Variants in AGAP1 observed in about 807,000 individuals in gnomAD.
AGAP1 encodes arf-GAP with GTPase, ANK repeat and PH domain-containing protein 1.
AGAP1 carries 29 observed loss-of-function variants against 105.3 expected under a neutral mutation model. The observed-to-expected ratio is 0.28, with a 90% CI of 0.21 to 0.38. AGAP1 has a LOEUF of 0.38. AGAP1 is among the 10% of genes least tolerant of loss of function. AGAP1 has a pLI of 1.00. For missense variants in AGAP1, 998 were observed against 1,165.1 expected (o/e 0.86, Z 2.09); for synonymous variants, 509 against 485.9 (o/e 1.05, Z -0.63).
chr2:235,717,713 T>G, intron 3 of AGAP1, 69 bp downstream of exon 3: 1 of 1,341,424 alleles, frequency 7.5e-7, no homozygotes. Context: ...TAGCATATTA[T>G]AAATCATGAC....
Position 235,943,037 on chromosome 2 carries a change from C to A in AGAP1, c.1483+12114C>A, listed in dbSNP as rs146963958. Among the ~76,000 whole-genome samples the A allele has an allele frequency of 5.8e-3, 891 of 152,340 alleles. 9 individuals carry two copies. The highest frequency in any genetic ancestry group is 0.02 in the African/African-American group (842 of 41,568). On this transcript the variant is annotated intron_variant, in intron 12 of 17. Transcript: ENST00000304032. ...TCAAATATATGTGCTGCTTCTCCAA[C>A]TGGAAATAAAACTTTGTGATGTTTT...
chr2:235,848,429 C>T (rs1961768183), intron 9 of AGAP1, among the ~76,000 whole-genome samples: 1 of 152,206 alleles, frequency 6.6e-6, no homozygotes, highest in African/African-American at 2.4e-5. Flanking sequence ...ACACTGGGAG[C>T]TATTCAGCTG....
chr2:235,947,960 C>T (rs1156863207), intron 12 of AGAP1, among the ~76,000 whole-genome samples: 6 of 152,160 alleles, frequency 3.9e-5, no homozygotes, highest in Admixed American at 6.5e-5. Context: ...GAGGATCCAG[C>T]GTGCAATGTA....
At chr2:235,818,128 T>C in intron 9 of AGAP1, among the ~76,000 whole-genome samples, 1 of 152,202 alleles carries the variant, frequency 6.6e-6, no homozygotes, top group Non-Finnish European at 1.5e-5. Context: ...TCAACCACAT[T>C]ATTATCGTGT....
At position 235,690,837 on chromosome 2, in the gene AGAP1, T is replaced by C. The variant is rs546472251; in HGVS notation, c.164-18342T>C. Among the ~76,000 whole-genome samples the C allele has an allele frequency of 6.6e-6, 1 of 152,348 alleles. No homozygotes were observed. Among genetic ancestry groups the C allele is most frequent in the East Asian group, 1.9e-4 (1 of 5,176 alleles). Reference sequence around the variant, plus strand: ...ATTTTTTTCTCCAGTCTAGTCATAGTATTGGTTTCGAGAAGTCAAAATCAA... The same window carrying C: ...ATTTTTTTCTCCAGTCTAGTCATAGCATTGGTTTCGAGAAGTCAAAATCAA... On this transcript the variant is annotated intron_variant, in intron 1 of 17. Transcript: ENST00000304032. This position sits in a 1 kb window ranked among gnomAD's most constrained non-coding sequence, Gnocchi z 4.1.
In AGAP1 at chr2:236,114,165, A is replaced by G. The variant is rs1400053913; in HGVS notation, c.2115-6027A>G. On this transcript the variant is annotated intron_variant, in intron 16 of 17. Coordinates refer to ENST00000304032, the MANE Select transcript of AGAP1 (RefSeq NM_001037131.3). The surrounding 1 kb of genome is among the most constrained non-coding windows in gnomAD (Gnocchi z 5.0). ...GCTGTGAACGGTGATCCTCCCGGGG[A>G]TTGGAATGAGGGGAGGTGATCTACT... is the stretch of plus-strand genomic sequence containing the variant. 6.6e-6 allele frequency among the ~76,000 whole-genome samples: 1 copy of G among 151,922 alleles called. No homozygotes were observed. The highest frequency in any genetic ancestry group is 1.5e-5 in the Non-Finnish European group (1 of 67,972).
intron 3 of AGAP1, among the ~76,000 whole-genome samples, chr2:235,726,280 T>C (rs961904366): frequency 3.9e-5 from 6 of 152,164 alleles, no homozygotes; most frequent in African/African-American, 1.4e-4. Context: ...CAGAGGCTCA[T>C]GTGTGTCCCT....
rs568434064 is a variant in AGAP1 at position 235,528,522 on chromosome 2, C to G, written c.163+33673C>G. On this transcript the variant is annotated intron_variant, in intron 1 of 17. Coordinates refer to ENST00000304032, the MANE Select transcript of AGAP1 (RefSeq NM_001037131.3). ...GTCGAAGCACAGTGTGTGGGAGTTG[C>G]ATATGGCGAGATGCTCGAGAGATTG... Among the ~76,000 whole-genome samples the G allele has an allele frequency of 5.9e-5, 9 of 152,286 alleles. No homozygotes were observed. The South Asian group carries it at 1.9e-3, about 32-fold the overall frequency.
Position 236,001,586 on chromosome 2 carries a change from T to C in AGAP1, c.1645+32963T>C, listed in dbSNP as rs1219114589. On this transcript the variant is annotated intron_variant, in intron 13 of 17. Coordinates refer to ENST00000304032, the MANE Select transcript of AGAP1 (RefSeq NM_001037131.3). This position sits in a 1 kb window ranked among gnomAD's most constrained non-coding sequence, Gnocchi z 4.7. ...TGCAAGCAGAGCTGGCAGGACTTGC[T>C]GAAAGAGTTAATATGGGAAGTGAGA... Among the ~76,000 whole-genome samples the C allele has an allele frequency of 6.6e-6, 1 of 151,926 alleles. No individual in the cohort carries two copies. The highest frequency in any genetic ancestry group is 1.5e-5 in the Non-Finnish European group (1 of 67,992).
intron 1 of AGAP1, among the ~76,000 whole-genome samples, chr2:235,702,370 C>G (rs1381930144): frequency 1.3e-5 from 2 of 152,180 alleles, no homozygotes; most frequent in Non-Finnish European, 2.9e-5. Context: ...TCTGAAATCC[C>G]GAGGAAGGAC....
chr2:235,790,157 C>T (rs186829242), intron 6 of AGAP1, among the ~76,000 whole-genome samples: 7 of 152,190 alleles, frequency 4.6e-5, no homozygotes, highest in Non-Finnish European at 8.8e-5. Context: ...TGAATTTCTC[C>T]TTGTGGGGTC....
intron 13 of AGAP1, among the ~76,000 whole-genome samples, chr2:236,032,901 A>G (rs1415968997): frequency 6.6e-6 from 1 of 152,162 alleles, no homozygotes; most frequent in Non-Finnish European, 1.5e-5. Context: ...AGACAAGGGA[A>G]CTTTCTTCTG....
intron 13 of AGAP1, among the ~76,000 whole-genome samples, chr2:235,978,425 A>T (rs549306927): frequency 6.6e-6 from 1 of 152,342 alleles, no homozygotes; most frequent in African/African-American, 2.4e-5. Flanking sequence ...GTCAGGAGAC[A>T]TCATCCAGTG....
At position 235,977,914 on chromosome 2, in the gene AGAP1, T is replaced by C. The variant is rs772449851; in HGVS notation, c.1645+9291T>C. Among the ~76,000 whole-genome samples the C allele has an allele frequency of 1.2e-4, 18 of 152,292 alleles. No homozygotes were observed. The highest frequency in any genetic ancestry group is 3.9e-4 in the Admixed American group (6 of 15,306). On this transcript the variant is annotated intron_variant, in intron 13 of 17. Coordinates refer to ENST00000304032, the MANE Select transcript of AGAP1 (RefSeq NM_001037131.3). This position sits in a 1 kb window ranked among gnomAD's most constrained non-coding sequence, Gnocchi z 5.2. ...ACCAGCAGAAACTCATTTATCATGG[T>C]TCTGAAGGCTGCAAAGTCCAAGATC...
At chr2:235,514,365 G>A (rs1033335993) in intron 1 of AGAP1, among the ~76,000 whole-genome samples, 3 of 152,240 alleles carry the variant, frequency 2.0e-5, no homozygotes, top group African/African-American at 7.2e-5. Flanking sequence ...TTTTTAGAAG[G>A]AGTCATGGAG....
In AGAP1 at chr2:235,958,278, T is replaced by G. The variant is rs543702206; in HGVS notation, c.1484-10184T>G. Among the ~76,000 whole-genome samples the G allele has an allele frequency of 1.3e-5, 2 of 152,086 alleles. No individual in the cohort carries two copies. The highest frequency in any genetic ancestry group is 4.2e-4 in the South Asian group (2 of 4,806). On this transcript the variant is annotated intron_variant, in intron 12 of 17. Transcript: ENST00000304032. The surrounding 1 kb of genome is among the most constrained non-coding windows in gnomAD (Gnocchi z 4.1). ...GAGGTGTTTCTGGAGGGCCCTGTAC[T>G]CCCTGAAATCCAGGCTCCAGGGTCA...
chr2:235,848,308 C>A (rs1961751224), intron 9 of AGAP1, among the ~76,000 whole-genome samples: 1 of 152,186 alleles, frequency 6.6e-6, no homozygotes, highest in Admixed American at 6.5e-5. Flanking sequence ...TAGGGATTGG[C>A]CTGTGCCCTC....
intron 13 of AGAP1, among the ~76,000 whole-genome samples, chr2:235,984,418 A>C (rs2055218750): frequency 6.6e-6 from 1 of 150,724 alleles, no homozygotes; most frequent in Non-Finnish European, 1.5e-5. Flanking sequence ...TAGGAGTGGA[A>C]TTGCTGGGTC....
chr2:235,619,889 G>A (rs1279939408), intron 1 of AGAP1, among the ~76,000 whole-genome samples: 4 of 152,142 alleles, frequency 2.6e-5, no homozygotes, highest in East Asian at 1.9e-4. Flanking sequence ...TCCAGAGTGC[G>A]CAGCCAGACT....
Sources: allele counts gnomAD v4.1 joint callset (sites outside exome capture counted in the v4.1 genomes callset), GRCh38; gene constraint gnomAD v4.1.1; non-coding constraint Gnocchi (gnomAD v3.1); transcripts MANE v1.5; gene names NCBI Gene and HGNC (gene_info 2026-07-23, HGNC 2026-07-21).